The following IDH3G variants were observed in gnomAD, a reference collection of about 807,000 sequenced individuals.
IDH3G encodes isocitrate dehydrogenase [NAD] subunit gamma, mitochondrial.
In IDH3G, 9 loss-of-function variants were observed where a neutral mutation model predicts 26.9. The ratio of observed to expected loss-of-function variants is 0.34; its 90% CI spans 0.20 to 0.58. The LOEUF (loss-of-function observed/expected upper bound fraction) is 0.58. Ranked by LOEUF, IDH3G falls within the 20% of genes least tolerant of loss-of-function variation. The probability of loss-of-function intolerance (pLI) is 0.85; values close to 1 mark genes in which losing one functional copy is unlikely to be tolerated. For missense variants in IDH3G, 250 were observed against 372.8 expected (o/e 0.67, Z 2.71); for synonymous variants, 181 against 160.0 (o/e 1.13, Z -0.99).
At chrX:153,790,154 C>A in intron 4 of IDH3G, 41 bp downstream of exon 4, 1 of 1,086,493 alleles carries the variant, frequency 9.2e-7, no homozygotes, top group East Asian at 3.0e-5. Context: ...TCCTCAGGGC[C>A]CCCTGGCTGA....
At position 153,787,104 on chromosome X, in the gene IDH3G, G is replaced by T; in HGVS notation, c.724C>A (p.Arg242Ser). ...TTCTCGAAGGTGATCTGAGGGTAGCGGGCTGCCACCTCCCTGCAGCACTGG... is the reference window on the plus strand; with the variant it reads ...TTCTCGAAGGTGATCTGAGGGTAGCTGGCTGCCACCTCCCTGCAGCACTGG... ...FLQCCREVAARYPQITFENMI... is the reference protein window; with the variant it reads ...FLQCCREVAASYPQITFENMI... Residue 242 changes from arginine to serine, a missense_variant, in exon 9 of 13, where the codon CGC (arginine) becomes AGC (serine). This residue lies in a region of IDH3G where 201 missense variants were observed against 331.3 expected (regional missense o/e 0.61). Coordinates refer to ENST00000217901, the MANE Select transcript of IDH3G (RefSeq NM_004135.4). 8.3e-7 allele frequency: 1 copy of T among 1,210,734 alleles called. No individual in the cohort carries two copies.
chrX:153,791,586 G>A (rs1169925674), intron 1 of IDH3G, among the ~76,000 whole-genome samples: 1 of 112,808 alleles, frequency 8.9e-6, no homozygotes, highest in Non-Finnish European at 1.9e-5. Context: ...TGTGCCAGGT[G>A]CCAAGTGACC....
intron 8 of IDH3G, 23 bp downstream of exon 8, chrX:153,787,441 C>T (rs2092093150): frequency 4.1e-6 from 5 of 1,205,544 alleles, no homozygotes; most frequent in African/African-American, 3.5e-5. Context: ...CTGGACTGCT[C>T]GCAGAGAGGT....
In IDH3G at chrX:153,794,300, G is replaced by T; in HGVS notation, c.27C>A (p.Ala9=). 1 of 1,198,608 alleles carries T rather than the reference G, an allele frequency of 8.3e-7. No homozygotes were observed. ...CGAGCACCGCCTTCGCGGCGCTGCC[G>T]GCGACGGTCGCTACCTTCAGCGCCA... MALKVATV[A]GSAAKAVLGP... The change falls in exon 1 of 13, where the codon GCC becomes GCA. Residue 9 remains alanine, a synonymous_variant. Coordinates refer to ENST00000217901, the MANE Select transcript of IDH3G (RefSeq NM_004135.4).
At chrX:153,789,650 G>A (rs2092101960) in intron 5 of IDH3G, 62 bp downstream of exon 5, 4 of 661,949 alleles carry the variant, frequency 6.0e-6, no homozygotes, top group South Asian at 2.6e-5. Context: ...AGAAACGAAG[G>A]AAGAAAGCAA....
At chrX:153,789,030 G>T in intron 5 of IDH3G, 1 of 326,668 alleles carries the variant, frequency 3.1e-6, no homozygotes, top group Non-Finnish European at 6.2e-6. Flanking sequence ...CAGCAGAGAG[G>T]ACTGTCTCAG....
chrX:153,790,087 C>T lies in IDH3G; in HGVS notation c.233+108G>A, dbSNP rs1175678496. On this transcript the variant is annotated intron_variant, in intron 4 of 12. Transcript: ENST00000217901. ...GGACGCAAGGCCTGGGCTTACAGGTCGTCTTGCCATGGCCTCACCGAGTGC... is the reference window on the plus strand; with the variant it reads ...GGACGCAAGGCCTGGGCTTACAGGTTGTCTTGCCATGGCCTCACCGAGTGC... 7.5e-5 allele frequency: 48 copies of T among 637,919 alleles called. No homozygotes were observed. The South Asian group carries it at 1.2e-3, about 16-fold the overall frequency. The allele number at this position is 637,919 out of a possible 1,213,427, so 52.6% of individuals were successfully genotyped here.
At chrX:153,787,687 C>T in intron 7 of IDH3G, 90 bp from the exon 8 acceptor site, 1 of 1,146,488 alleles carries the variant, frequency 8.7e-7, no homozygotes. Flanking sequence ...CCGTGGGAAG[C>T]AACCCTGTCT....
chrX:153,793,042 T>G (rs1309303494), intron 1 of IDH3G, among the ~76,000 whole-genome samples: 1 of 111,700 alleles, frequency 9.0e-6, no homozygotes, highest in African/African-American at 3.3e-5. Context: ...ATCAGTGGGA[T>G]TCAAGACCTG....
chrX:153,794,257 G>C lies in IDH3G; in HGVS notation c.70C>G (p.Arg24Gly). 2.5e-6 allele frequency: 3 copies of C among 1,195,512 alleles called. No individual in the cohort carries two copies. Among genetic ancestry groups the C allele is most frequent in the Non-Finnish European group, 3.4e-6 (3 of 887,479 alleles). ...KAVLGPALLC[R>G]PWEVLGAHEV... is the part of the protein sequence containing the mutation. Reference sequence around the variant, plus strand: ...CTTTCCCTGCTCACCTCCCAGGGACGGCAGAGAAGGGCTGGCCCGAGCACC... The same window carrying C: ...CTTTCCCTGCTCACCTCCCAGGGACCGCAGAGAAGGGCTGGCCCGAGCACC... The change falls in exon 1 of 13, where the codon CGT (arginine) becomes GGT (glycine). Residue 24 changes from arginine (R) to glycine (G), a missense_variant. Around this residue, in one of 2 missense-constraint regions of IDH3G, gnomAD observed 49 missense variants for 41.5 expected, o/e 1.18. Coordinates refer to ENST00000217901, the MANE Select transcript of IDH3G (RefSeq NM_004135.4).
At chrX:153,792,815 G>A (rs782076461) in intron 1 of IDH3G, among the ~76,000 whole-genome samples, 2 of 112,504 alleles carry the variant, frequency 1.8e-5, no homozygotes, top group Admixed American at 9.4e-5. Context: ...TCTGCCTTGT[G>A]CCCTGACTTC....
chrX:153,792,771 A>G (rs1398569070), intron 1 of IDH3G, among the ~76,000 whole-genome samples: 1 of 112,551 alleles, frequency 8.9e-6, no homozygotes, highest in Non-Finnish European at 1.9e-5. Context: ...TACTGTACAG[A>G]TGCAGGCACC....
At chrX:153,791,799 C>T (rs1190402748) in intron 1 of IDH3G, among the ~76,000 whole-genome samples, 1 of 112,295 alleles carries the variant, frequency 8.9e-6, no homozygotes, top group African/African-American at 3.2e-5. Context: ...GGAGTCTGAC[C>T]TCTCCCTGTC....
At position 153,790,266 on chromosome X, in the gene IDH3G, C is replaced by T. The variant is rs1158904329; in HGVS notation, c.162G>A (p.Arg54=). The part of the protein sequence containing the change: ...TIPPSAKYGG[R]HTVTMIPGDG... ...CCCCTGGGATCATGGTCACCGTGTG[C>T]CGCCCGCCATACTTAGCGGACGGAG... Residue 54 remains arginine (R), a synonymous_variant, in exon 4 of 13, where the codon CGG becomes CGA. Coordinates refer to ENST00000217901, the MANE Select transcript of IDH3G (RefSeq NM_004135.4). 4 of 1,210,474 alleles carry T rather than the reference C, an allele frequency of 3.3e-6. No homozygotes were observed. In the Admixed American group the frequency reaches 6.5e-5, roughly 20 times the overall value.
intron 1 of IDH3G, 179 bp downstream of exon 1, chrX:153,794,067 G>T (rs1317048059): frequency 6.0e-6 from 3 of 500,665 alleles, no homozygotes; most frequent in African/African-American, 2.5e-5. Flanking sequence ...CCGGTCCAGG[G>T]CCAACTTCGG....
At chrX:153,792,661 G>A (rs1468118101) in intron 1 of IDH3G, among the ~76,000 whole-genome samples, 3 of 112,561 alleles carry the variant, frequency 2.7e-5, no homozygotes, top group African/African-American at 9.7e-5. Context: ...TCACCACCAG[G>A]GCTGAGCTGA....
intron 1 of IDH3G, among the ~76,000 whole-genome samples, chrX:153,792,794 G>A (rs2283752): frequency 0.087 from 9,769 of 112,163 alleles, 341 homozygotes; most frequent in East Asian, 0.19. Flanking sequence ...CCTTCAGGAG[G>A]TCGCAAAGGC....
chrX:153,792,869 G>A (rs1231212613), intron 1 of IDH3G, among the ~76,000 whole-genome samples: 1 of 112,456 alleles, frequency 8.9e-6, no homozygotes, highest in Non-Finnish European at 1.9e-5. Flanking sequence ...GAGGCAGGAT[G>A]CAATATGTAC....
rs2092093552 is a variant in IDH3G, at chrX:153,787,500, C to T, written c.638G>A (p.Arg213His). Reference protein sequence around the residue: ...YAFKLAQESGRKKVTAVHKAN... With the variant: ...YAFKLAQESGHKKVTAVHKAN... ...CTTGTGCACGGCCGTCACTTTCTTG[C>T]GCCCGCTCTCCTGCGCCAGCTTGAA... Residue 213 changes from arginine to histidine, a missense_variant, in exon 8 of 13, where the codon CGC becomes CAC. Transcript: ENST00000217901. The T allele has an allele frequency of 8.3e-7, 1 of 1,210,249 alleles. No homozygotes were observed.
Sources: gnomAD v4.1 joint callset for allele counts (sites outside exome capture counted in the v4.1 genomes callset) on GRCh38, gnomAD v4.1.1 for gene constraint, gnomAD v4.1.1 regional missense constraint, MANE v1.5 for transcripts, NCBI Gene and HGNC (gene_info 2026-07-23, HGNC 2026-07-21) for gene names.